The following TMEM131 variants were observed in gnomAD, a reference collection of about 807,000 sequenced individuals.
TMEM131 encodes 2610524E03Rik.
A neutral mutation model predicts 211.6 loss-of-function variants in TMEM131; 66 were observed. The ratio of observed to expected loss-of-function variants is 0.31; its 90% CI spans 0.26 to 0.38. The LOEUF (loss-of-function observed/expected upper bound fraction) is 0.38, where lower values mean the gene tolerates loss of function less well. Ranked by LOEUF, TMEM131 falls within the 10% of genes least tolerant of loss-of-function variation. The probability of loss-of-function intolerance (pLI) is 1.00; values close to 1 mark genes in which losing one functional copy is unlikely to be tolerated. For missense variants in TMEM131, 2,036 were observed against 2,299.3 expected (o/e 0.89, Z 2.34); for synonymous variants, 844 against 841.3 (o/e 1.00, Z -0.06).
intron 1 of TMEM131, among the ~76,000 whole-genome samples, chr2:97,961,895 A>G (rs1034676244): frequency 6.6e-6 from 1 of 152,196 alleles, no homozygotes. Flanking sequence ...AACAACAAAA[A>G]GCATGCTTTT....
chr2:97,838,222 C>T (rs920577972), intron 7 of TMEM131, among the ~76,000 whole-genome samples: 2 of 151,932 alleles, frequency 1.3e-5, no homozygotes, highest in Non-Finnish European at 2.9e-5. Flanking sequence ...AATATATATA[C>T]ACAAAATGGG....
Position 97,887,731 on chromosome 2 carries a change from ATT to A in TMEM131, c.359+319_359+320del, listed in dbSNP as rs34210776. 78 of 216,856 alleles carry A rather than the reference ATT, an allele frequency of 3.6e-4. 1 individual carries two copies. The highest frequency in any genetic ancestry group is 3.6e-3 in the Admixed American group (66 of 18,356). 13.4% of individuals were successfully genotyped at this position (216,856 alleles called of 1,614,324 possible). Reference sequence around the variant, plus strand: ...TAGAATATATTTTATTCATAAGAAGATTTTTAAATAGTAAAAATAAAAATGAA... The same window carrying A: ...TAGAATATATTTTATTCATAAGAAGATTTAAATAGTAAAAATAAAAATGAA... On this transcript the variant is annotated intron_variant, in intron 4 of 40. Transcript: ENST00000186436.
intron 1 of TMEM131, among the ~76,000 whole-genome samples, chr2:97,990,280 G>A (rs1680204717): frequency 6.6e-6 from 1 of 151,210 alleles, no homozygotes; most frequent in African/African-American, 2.4e-5. Context: ...CTGTTAACAA[G>A]TCAACAGAAA....
intron 32 of TMEM131, 30 bp downstream of exon 32, chr2:97,775,813 C>G (rs765745295): frequency 1.3e-6 from 2 of 1,591,584 alleles, no homozygotes; most frequent in Admixed American, 1.8e-5. Flanking sequence ...CTTTCTCCCT[C>G]GTGTTTTGTT....
chr2:97,759,638 T>G lies in TMEM131; in HGVS notation c.5206+14A>C, dbSNP rs771362702. 1.3e-6 allele frequency: 2 copies of G among 1,597,002 alleles called. No homozygotes were observed. On this transcript the variant is annotated intron_variant, in intron 39 of 40. Transcript: ENST00000186436. ...ACAGGCTTATTAGTTACACATCTAG[T>G]GTTAAACACTCACCACCAGTTAGAT... is the stretch of plus-strand genomic sequence containing the variant.
At chr2:97,837,218 G>T in intron 7 of TMEM131, 61 bp from the exon 8 acceptor site, 2 of 1,219,802 alleles carry the variant, frequency 1.6e-6, no homozygotes, top group South Asian at 1.5e-5. Context: ...CAGGTGACTT[G>T]CTATTACACA....
intron 11 of TMEM131, among the ~76,000 whole-genome samples, chr2:97,825,925 C>T (rs931523149): frequency 3.3e-5 from 5 of 152,232 alleles, no homozygotes; most frequent in African/African-American, 1.2e-4. Context: ...AGCTATCAGA[C>T]AACCGCCTAC....
intron 1 of TMEM131, among the ~76,000 whole-genome samples, chr2:97,930,728 A>AT (rs1677183983): frequency 6.6e-6 from 1 of 151,836 alleles, no homozygotes; most frequent in African/African-American, 2.4e-5. Flanking sequence ...AATGTAACAA[A>AT]AGTCAGTCAA....
At chr2:97,849,849 A>C (rs1012350866) in intron 5 of TMEM131, among the ~76,000 whole-genome samples, 1 of 151,804 alleles carries the variant, frequency 6.6e-6, no homozygotes, top group South Asian at 2.1e-4. Context: ...GCAAGAACAA[A>C]TAATTGAATG....
chr2:97,795,408 T>C (rs1024966683), intron 28 of TMEM131, among the ~76,000 whole-genome samples: 3 of 152,128 alleles, frequency 2.0e-5, no homozygotes, highest in African/African-American at 4.8e-5. Flanking sequence ...CCTTCTTTCT[T>C]CTTTATCTAA....
At chr2:97,797,552 T>C (rs79297691) in intron 25 of TMEM131, 36 bp from the exon 26 acceptor site, 38,129 of 1,558,498 alleles carry the variant, frequency 0.024, 784 homozygotes, top group African/African-American at 0.098. Context: ...GAGTCATGAA[T>C]ATATTCTCTG....
intron 3 of TMEM131, 48 bp from the exon 4 acceptor site, chr2:97,888,168 T>G: frequency 6.6e-7 from 1 of 1,513,042 alleles, no homozygotes; most frequent in Non-Finnish European, 9.1e-7. Context: ...TCAAAATATA[T>G]GTTTCCCCAA....
intron 1 of TMEM131, among the ~76,000 whole-genome samples, chr2:97,974,282 C>CA (rs947917890): frequency 6.6e-6 from 1 of 152,018 alleles, no homozygotes; most frequent in African/African-American, 2.4e-5. Flanking sequence ...GCAGTAGACC[C>CA]ATCCAAAATG....
At chr2:97,938,119 A>G (rs1018325982) in intron 1 of TMEM131, among the ~76,000 whole-genome samples, 2 of 152,224 alleles carry the variant, frequency 1.3e-5, no homozygotes, top group African/African-American at 4.8e-5. Flanking sequence ...AACTGTATCA[A>G]CTAACGAGCA....
chr2:97,812,906 A>T (rs1681619923), intron 15 of TMEM131, among the ~76,000 whole-genome samples, 157 bp from the exon 16 acceptor site: 1 of 152,004 alleles, frequency 6.6e-6, no homozygotes, highest in African/African-American at 2.4e-5. Flanking sequence ...CGGAAGGCTG[A>T]GCTCAGGCAG....
chr2:97,929,689 GTGCC>G (rs1391297316), intron 1 of TMEM131, among the ~76,000 whole-genome samples: 5 of 151,810 alleles, frequency 3.3e-5, no homozygotes, highest in Admixed American at 1.3e-4. Flanking sequence ...TTCAATGACA[GTGCC>G]AACCTGCTCC....
Position 97,827,046 on chromosome 2 carries a change from T to C in TMEM131, c.1074+6319A>G, listed in dbSNP as rs1682423440. 3.9e-5 allele frequency among the ~76,000 whole-genome samples: 4 copies of C among 103,014 alleles called. No homozygotes were observed. The Admixed American group carries it at 4.8e-4, about 12-fold the overall frequency. The allele number at this position is 103,014 out of a possible 152,430, so 67.6% of individuals were successfully genotyped here. On this transcript the variant is annotated intron_variant, in intron 11 of 40. Coordinates refer to ENST00000186436, the MANE Select transcript of TMEM131 (RefSeq NM_015348.2). ...AAGCAATTAAGGGAAAAAGACACAATGGGTATTCAGTAAGTGATAAGCAAA... is the reference window on the plus strand; with the variant it reads ...AAGCAATTAAGGGAAAAAGACACAACGGGTATTCAGTAAGTGATAAGCAAA...
At chr2:97,838,130 T>C (rs1183941410) in intron 7 of TMEM131, among the ~76,000 whole-genome samples, 1 of 152,200 alleles carries the variant, frequency 6.6e-6, no homozygotes, top group Non-Finnish European at 1.5e-5. Flanking sequence ...TTGTTTCCAA[T>C]GTCTGGCCAT....
rs1023535425 is a variant in TMEM131 at position 97,899,696 on chromosome 2, T to A, written c.290+8962A>T. 2.6e-5 allele frequency among the ~76,000 whole-genome samples: 4 copies of A among 152,184 alleles called. 1 individual carries two copies. The highest frequency in any genetic ancestry group is 5.9e-5 in the Non-Finnish European group (4 of 68,038). On this transcript the variant is annotated intron_variant, in intron 3 of 40. Coordinates refer to ENST00000186436, the MANE Select transcript of TMEM131 (RefSeq NM_015348.2). ...TGCTTAATGAAACAATGTCAGCATT[T>A]ACTTTTGACTCACCAACCCCACTTC...
Sources: allele counts gnomAD v4.1 joint callset (sites outside exome capture counted in the v4.1 genomes callset), GRCh38; gene constraint gnomAD v4.1.1; transcripts MANE v1.5; gene names NCBI Gene and HGNC (gene_info 2026-07-23, HGNC 2026-07-21).